IL3RA: variants seen among roughly 807,000 people sequenced by gnomAD.
IL3RA encodes the protein interleukin 3 receptor subunit alpha, also known as interleukin-3 receptor subunit alpha.
In IL3RA, 73 loss-of-function variants were observed where a neutral mutation model predicts 52.3. The observed-to-expected ratio is 1.40, with a 90% CI of 1.16 to 1.70. The LOEUF is 1.70. IL3RA is among the 40% of genes most tolerant of loss of function. IL3RA has a pLI of 0.00. For missense variants in IL3RA, 664 were observed against 504.4 expected, an observed-to-expected ratio of 1.32 and a Z score of -3.03; for synonymous variants, 260 against 194.0, an observed-to-expected ratio of 1.34 and a Z score of -2.83.
intron 8 of IL3RA, among the ~76,000 whole-genome samples, chrX:1,359,492 G>A (rs1311103041): frequency 6.1e-5 from 7 of 114,490 alleles, no homozygotes; most frequent in African/African-American, 2.1e-4. Context: ...TCTCTCTCTC[G>A]TCTCTATCTC....
chrX:1,337,499 G>A (rs1399973590), intron 1 of IL3RA, among the ~76,000 whole-genome samples: 1 of 152,196 alleles, frequency 6.6e-6, no homozygotes, highest in Non-Finnish European at 1.5e-5. Context: ...AAGAGGTGGA[G>A]ACAGCCCTCG....
intron 4 of IL3RA, among the ~76,000 whole-genome samples, 161 bp downstream of exon 4, chrX:1,348,706 G>C (rs878963838): frequency 0.046 from 3,277 of 70,742 alleles, 138 homozygotes; most frequent in Middle Eastern, 0.12. Flanking sequence ...CTTTCTTTCT[G>C]TTTCTGTTTC....
intron 9 of IL3RA, among the ~76,000 whole-genome samples, chrX:1,378,110 T>G (rs1249003925): frequency 7.0e-6 from 1 of 143,204 alleles, no homozygotes; most frequent in Non-Finnish European, 1.5e-5. Flanking sequence ...CGCTTGAACC[T>G]GGGAGGTGGA....
At chrX:1,354,406 C>T (rs370078470) in intron 6 of IL3RA, among the ~76,000 whole-genome samples, 8 of 149,880 alleles carry the variant, frequency 5.3e-5, no homozygotes, top group African/African-American at 1.5e-4. Flanking sequence ...GCAGGGTGCT[C>T]GGATGCTTCA....
At chrX:1,337,592 T>C (rs1369901200) in intron 1 of IL3RA, among the ~76,000 whole-genome samples, 4 of 150,076 alleles carry the variant, frequency 2.7e-5, no homozygotes, top group African/African-American at 9.8e-5. Context: ...AACAAGCAGC[T>C]TTATTCACAA....
chrX:1,380,456 GGGGGGAAGGGAGGA>G (rs1408726814), intron 10 of IL3RA, among the ~76,000 whole-genome samples: 1 of 3,274 alleles, frequency 3.1e-4, no homozygotes, highest in South Asian at 9.3e-3. Context: ...GGGGGGAGGA[GGGGGGAAGGGAGGA>G]GGGGGAAGGG....
At chrX:1,377,452 A>C (rs2149207783) in intron 9 of IL3RA, among the ~76,000 whole-genome samples, 1 of 152,114 alleles carries the variant, frequency 6.6e-6, no homozygotes, top group South Asian at 2.1e-4. Flanking sequence ...CATGTTGGCC[A>C]GGCTGGTCTC....
intron 10 of IL3RA, among the ~76,000 whole-genome samples, chrX:1,379,254 C>T (rs767627179): frequency 6.5e-4 from 99 of 152,196 alleles, no homozygotes; most frequent in African/African-American, 2.0e-3. Flanking sequence ...CTCCCGGGTT[C>T]AAGTGATTCT....
rs761761593 is a variant in IL3RA, at chrX:1,360,828, C to T, written c.759+1941C>T. 8.0e-4 allele frequency among the ~76,000 whole-genome samples: 121 copies of T among 151,528 alleles called. No homozygotes were observed. The South Asian group carries it at 0.01, about 13-fold the overall frequency. ...CAGGTGTGAGCCACCGTGCCCGGCC[C>T]CTCTCTTTATCTTTCTAGCTCTCTC... is the stretch of plus-strand genomic sequence containing the variant. On this transcript the variant is annotated intron_variant, in intron 8 of 11. Coordinates refer to ENST00000331035, the MANE Select transcript of IL3RA (RefSeq NM_002183.4).
chrX:1,352,829 C>A (rs2086177748), intron 6 of IL3RA, among the ~76,000 whole-genome samples: 2 of 151,676 alleles, frequency 1.3e-5, no homozygotes, highest in African/African-American at 4.8e-5. Context: ...CACCATGGGT[C>A]ATGGGACCCC....
At chrX:1,361,702 G>C (rs1437793639) in intron 8 of IL3RA, among the ~76,000 whole-genome samples, 2 of 143,256 alleles carry the variant, frequency 1.4e-5, no homozygotes, top group East Asian at 4.1e-4. Context: ...GCAGTGAGTT[G>C]AGATCGCGCC....
At position 1,365,331 on chromosome X, in the gene IL3RA, G is replaced by C. The variant is rs868705182; in HGVS notation, c.874+79G>C. 3,983 of 701,504 alleles carry C rather than the reference G, an allele frequency of 5.7e-3. 80 individuals carry two copies. The highest frequency in any genetic ancestry group is 0.042 in the East Asian group (980 of 23,066). 43.5% of individuals were successfully genotyped at this position (701,504 alleles called of 1,614,324 possible). On this transcript the variant is annotated intron_variant, in intron 9 of 11. Transcript: ENST00000331035. ...GGTGAGCGGGGTGCGCGGGGTGAGC[G>C]GGGTGCGCGGGGTGAGCGGGGTGAG...
At chrX:1,356,565 C>A (rs62605702) in intron 7 of IL3RA, among the ~76,000 whole-genome samples, 8,675 of 151,998 alleles carry the variant, frequency 0.057, 399 homozygotes, top group Non-Finnish European at 0.091. Flanking sequence ...GTCAGGAGAT[C>A]GAGACCATCC....
Position 1,349,128 on chromosome X carries a change from C to T in IL3RA, c.298+583C>T, listed in dbSNP as rs149616044. Among the ~76,000 whole-genome samples, 798 of 151,932 alleles carry T rather than the reference C, an allele frequency of 5.3e-3. 9 individuals carry two copies. Among genetic ancestry groups the T allele is most frequent in the African/African-American group, 0.018 (756 of 41,434 alleles). On this transcript the variant is annotated intron_variant, in intron 4 of 11. Transcript: ENST00000331035. ...GCTCAAACAATCCTTCTGCCTCAGC[C>T]TCCCACGTAGGTGGAACTACACCCA... is the stretch of plus-strand genomic sequence containing the variant.
chrX:1,381,655 C>T (rs2089183085), intron 11 of IL3RA, among the ~76,000 whole-genome samples: 1 of 151,740 alleles, frequency 6.6e-6, no homozygotes, highest in Admixed American at 6.6e-5. Context: ...AGCGATTGTC[C>T]TGCCTCAGCC....
rs752608347 is a variant in IL3RA at position 1,339,666 on chromosome X, C to A, written c.-38-2062C>A. Among the ~76,000 whole-genome samples the A allele has an allele frequency of 3.3e-5, 5 of 152,148 alleles. No homozygotes were observed. The East Asian group carries it at 9.7e-4, about 29-fold the overall frequency. On this transcript the variant is annotated intron_variant, in intron 1 of 11. Transcript: ENST00000331035. ...AATTAGCTGGGTGTGGTGGCGGACA[C>A]CGGTAATCCCATCTACTGGGGAGGC...
chrX:1,380,917 A>T, intron 10 of IL3RA, 106 bp from the exon 11 acceptor site: 1 of 920,296 alleles, frequency 1.1e-6, no homozygotes, highest in Non-Finnish European at 1.8e-6. Flanking sequence ...AGATGACTTG[A>T]GTCTTTTGCT....
intron 2 of IL3RA, among the ~76,000 whole-genome samples, chrX:1,343,958 A>G (rs745329453): frequency 2.6e-5 from 4 of 151,184 alleles, no homozygotes; most frequent in Non-Finnish European, 5.9e-5. Flanking sequence ...ACCACGCCCA[A>G]CTAATTTTTG....
chrX:1,356,197 TAAAA>T lies in IL3RA; in HGVS notation c.617-23_617-20del. 1 of 1,382,558 alleles carries T rather than the reference TAAAA, an allele frequency of 7.2e-7. No homozygotes were observed. Among genetic ancestry groups the T allele is most frequent in the Non-Finnish European group, 1.0e-6 (1 of 983,912 alleles). The allele number at this position is 1,382,558 out of a possible 1,614,324, so 85.6% of individuals were successfully genotyped here. ...ATTGATTTCTTGTACTCCTAAATCC[TAAAA>T]GTGTTTTTCTCGTTGCTAGAGATAT... On this transcript the variant is annotated intron_variant, in intron 6 of 11. Coordinates refer to ENST00000331035, the MANE Select transcript of IL3RA (RefSeq NM_002183.4).
Sources: gnomAD v4.1 joint callset for allele counts (sites outside exome capture counted in the v4.1 genomes callset) on GRCh38, gnomAD v4.1.1 for gene constraint, MANE v1.5 for transcripts, NCBI Gene and HGNC (gene_info 2026-07-23, HGNC 2026-07-21) for gene names.